Variants in CES1 observed in about 807,000 individuals in gnomAD.
CES1 encodes the protein liver carboxylesterase 1.
Under a neutral mutation model 53.0 loss-of-function variants are expected in CES1, and 50 were observed. The observed-to-expected ratio is 0.94, with a 90% CI of 0.75 to 1.19. CES1 has a LOEUF of 1.19. Ranked by LOEUF, CES1 falls within the 50% of genes most tolerant of loss-of-function variation. The pLI is 0.00. For missense variants in CES1, 534 were observed against 538.0 expected, an observed-to-expected ratio of 0.99 and a Z score of 0.07; for synonymous variants, 202 against 210.1, an observed-to-expected ratio of 0.96 and a Z score of 0.33.
rs185438424 is a variant in CES1 at position 55,813,153 on chromosome 16, G to C, written c.946-110C>G. ...GTACCATAGACCGGCATGGCCATGCGCCATGGCTGCACATGCTCAGGATCC... is the reference window on the plus strand; with the variant it reads ...GTACCATAGACCGGCATGGCCATGCCCCATGGCTGCACATGCTCAGGATCC... On this transcript the variant is annotated intron_variant, in intron 8 of 13. Coordinates refer to ENST00000360526, the MANE Select transcript of CES1 (RefSeq NM_001025195.2). The C allele has an allele frequency of 2.8e-6, 4 of 1,445,526 alleles. No individual in the cohort carries two copies. In the African/African-American group the frequency reaches 5.6e-5, roughly 20 times the overall value. 89.5% of individuals were successfully genotyped at this position (1,445,526 alleles called of 1,614,324 possible). A position where few individuals can be genotyped will look rare whatever the true frequency, so the allele number is the denominator to read the frequency against.
intron 2 of CES1, among the ~76,000 whole-genome samples, chr16:55,826,758 A>T (rs2032433832): frequency 6.6e-6 from 1 of 152,136 alleles, no homozygotes; most frequent in South Asian, 2.1e-4. Flanking sequence ...AGTGATTTCT[A>T]CATGAGTCTT....
At chr16:55,817,680 G>C (rs2031999584) in intron 7 of CES1, among the ~76,000 whole-genome samples, 1 of 151,892 alleles carries the variant, frequency 6.6e-6, no homozygotes, top group African/African-American at 2.4e-5. Flanking sequence ...GAGTGTGTCT[G>C]TGTGTGGCTC....
intron 8 of CES1, among the ~76,000 whole-genome samples, chr16:55,816,663 A>T (rs112616450): frequency 6.6e-6 from 1 of 152,112 alleles, no homozygotes; most frequent in Non-Finnish European, 1.5e-5. Flanking sequence ...TGTAAAAAAG[A>T]AGGGGAGTGG....
At chr16:55,820,200 T>C (rs1271980313) in intron 6 of CES1, 172 bp downstream of exon 6, 3 of 589,708 alleles carry the variant, frequency 5.1e-6, no homozygotes, top group Non-Finnish European at 9.2e-6. Flanking sequence ...GCTGTGAAAC[T>C]GGGACGCTGA....
intron 4 of CES1, among the ~76,000 whole-genome samples, chr16:55,822,828 G>T (rs879466029): frequency 6.6e-6 from 1 of 152,112 alleles, no homozygotes; most frequent in Non-Finnish European, 1.5e-5. Flanking sequence ...TGGGTGGAGA[G>T]CAGGGGGAGG....
At chr16:55,819,459 G>C (rs539112985) in intron 7 of CES1, 76 bp downstream of exon 7, 2 of 1,071,622 alleles carry the variant, frequency 1.9e-6, no homozygotes, top group Non-Finnish European at 2.9e-6. Flanking sequence ...AACTGTCCCT[G>C]GGCAAGAGGA....
chr16:55,818,052 T>C (rs552464642), intron 7 of CES1, among the ~76,000 whole-genome samples: 3 of 152,312 alleles, frequency 2.0e-5, no homozygotes, highest in African/African-American at 7.2e-5. Context: ...CAATACCACA[T>C]TGGACTCAAC....
chr16:55,819,046 C>A (rs535126460), intron 7 of CES1, among the ~76,000 whole-genome samples: 1 of 152,188 alleles, frequency 6.6e-6, no homozygotes, highest in Admixed American at 6.5e-5. Flanking sequence ...CATAGATAGA[C>A]GGATTAACGA....
chr16:55,819,887 A>G, intron 6 of CES1: 1 of 610,376 alleles, frequency 1.6e-6, no homozygotes, highest in Non-Finnish European at 3.0e-6. Context: ...AATGGACATA[A>G]TCATCTCAAG....
chr16:55,813,345 CCT>C (rs2031789711), intron 8 of CES1, among the ~76,000 whole-genome samples: 1 of 152,150 alleles, frequency 6.6e-6, no homozygotes, highest in African/African-American at 2.4e-5. Context: ...CATGCATTTT[CCT>C]CTGTGTGTCC....
chr16:55,819,798 C>T (rs549282186), intron 6 of CES1, among the ~76,000 whole-genome samples, 159 bp from the exon 7 acceptor site: 24 of 152,314 alleles, frequency 1.6e-4, no homozygotes, highest in Admixed American at 1.4e-3. Context: ...TCCCACGGAG[C>T]GTTGCCTCTG....
intron 4 of CES1, 79 bp from the exon 5 acceptor site, chr16:55,821,600 G>A (rs2032201870): frequency 4.7e-6 from 7 of 1,500,302 alleles, no homozygotes; most frequent in Non-Finnish European, 6.5e-6. Flanking sequence ...GGGGCTAGGG[G>A]TTCTCAGTGA....
intron 8 of CES1, among the ~76,000 whole-genome samples, chr16:55,815,988 T>C (rs2031926259): frequency 6.6e-6 from 1 of 152,288 alleles, no homozygotes; most frequent in Admixed American, 6.5e-5. Flanking sequence ...GCCCCTTCTG[T>C]CAGGGTCTTT....
intron 4 of CES1, 115 bp downstream of exon 4, chr16:55,823,435 G>A: frequency 8.2e-7 from 1 of 1,224,818 alleles, no homozygotes; most frequent in East Asian, 2.4e-5. Context: ...AAGGGGCTTG[G>A]ATGCCTTACT....
intron 6 of CES1, 76 bp from the exon 7 acceptor site, chr16:55,819,715 A>C (rs369300671): frequency 1.6e-6 from 2 of 1,253,282 alleles, no homozygotes; most frequent in East Asian, 2.3e-5. Context: ...GTGGCATTCT[A>C]TCCCAAGCCC....
At chr16:55,826,085 A>G in intron 3 of CES1, 66 bp downstream of exon 3, 1 of 1,606,442 alleles carries the variant, frequency 6.2e-7, no homozygotes, top group East Asian at 2.2e-5. Flanking sequence ...ACTCCCTTCC[A>G]TTCTGCCCCA....
chr16:55,816,700 T>C (rs1470051325), intron 8 of CES1, among the ~76,000 whole-genome samples: 1 of 152,180 alleles, frequency 6.6e-6, no homozygotes, highest in Non-Finnish European at 1.5e-5. Context: ...ACAGAGGTGA[T>C]GCCTGGGAGC....
At chr16:55,829,687 A>C (rs373709308) in intron 1 of CES1, among the ~76,000 whole-genome samples, 1 of 152,008 alleles carries the variant, frequency 6.6e-6, no homozygotes, top group Non-Finnish European at 1.5e-5. Context: ...ATGAGACCGC[A>C]CATGTCAGGG....
intron 8 of CES1, 140 bp downstream of exon 8, chr16:55,816,784 A>C (rs1326975681): frequency 7.5e-6 from 8 of 1,071,096 alleles, no homozygotes; most frequent in South Asian, 1.2e-5. Context: ...CAGGTGAGTC[A>C]CTACCCCTCT....
Sources: gnomAD v4.1 joint callset for allele counts (sites outside exome capture counted in the v4.1 genomes callset) on GRCh38, gnomAD v4.1.1 for gene constraint, MANE v1.5 for transcripts, NCBI Gene and HGNC (gene_info 2026-07-23, HGNC 2026-07-21) for gene names.